ADD2: variants seen among roughly 807,000 people sequenced by gnomAD.
ADD2 encodes beta-adducin.
ADD2 carries 23 observed loss-of-function variants against 83.0 expected under a neutral mutation model. The ratio of observed to expected loss-of-function variants is 0.28; its 90% CI spans 0.20 to 0.39. The LOEUF is 0.39. ADD2 is among the 10% of genes least tolerant of loss of function. The probability of loss-of-function intolerance (pLI) is 1.00; values close to 1 mark genes in which losing one functional copy is unlikely to be tolerated. For synonymous variants in ADD2, 375 were observed against 375.4 expected (o/e 1.00, Z 0.01); for missense variants, 758 against 944.9 (o/e 0.80, Z 2.59).
At chr2:70,672,758 T>C (rs1669952428) in intron 15 of ADD2, 120 bp downstream of exon 15, 2 of 1,195,088 alleles carry the variant, frequency 1.7e-6, no homozygotes, top group Admixed American at 2.9e-5. Context: ...TCTGATTTCC[T>C]AGAAATAGCA....
In ADD2 at chr2:70,659,439, C is replaced by T. The variant is rs1232937410; in HGVS notation, c.*3986G>A. The T allele has an allele frequency of 6.6e-6, 1 of 152,162 alleles. No individual in the cohort carries two copies. The highest frequency in any genetic ancestry group is 1.5e-5 in the Non-Finnish European group (1 of 68,038). The allele number at this position is 152,162 out of a possible 1,614,324, so 9.4% of individuals were successfully genotyped here. ...ACCATGAGCAAGTGACGGTATCATC[C>T]ACAGGGAATGGGATTCAAATTCAGT... On this transcript the variant is annotated 3_prime_UTR_variant, in exon 16 of 16. Coordinates refer to ENST00000264436, the MANE Select transcript of ADD2 (RefSeq NM_001617.4).
Position 70,695,920 on chromosome 2 carries a change from C to A in ADD2, c.475-119G>T. The stretch of plus-strand genomic sequence containing the variant: ...GCACCCAAGTCCATCTCTAATGAAC[C>A]CTTATCTCTCCCCCCCAGCCATAAG... On this transcript the variant is annotated intron_variant, in intron 5 of 15. Transcript: ENST00000264436. The A allele has an allele frequency of 6.1e-6, 5 of 817,032 alleles. No individual in the cohort carries two copies. The Admixed American group carries it at 1.1e-4, about 18-fold the overall frequency. The allele number at this position is 817,032 out of a possible 1,614,324, so 50.6% of individuals were successfully genotyped here. A position where few individuals can be genotyped will look rare whatever the true frequency, so the allele number is the denominator to read the frequency against.
At chr2:70,748,385 T>C (rs1296314071) in intron 1 of ADD2, among the ~76,000 whole-genome samples, 1 of 152,178 alleles carries the variant, frequency 6.6e-6, no homozygotes, top group African/African-American at 2.4e-5. Context: ...AGCTGAGTTA[T>C]GCTGCAGTAA....
intron 6 of ADD2, among the ~76,000 whole-genome samples, chr2:70,694,828 C>G (rs1180066468): frequency 7.2e-5 from 11 of 152,058 alleles, no homozygotes; most frequent in African/African-American, 2.7e-4. Context: ...ACTCGGTAAC[C>G]CTGAGCTTTC....
intron 1 of ADD2, among the ~76,000 whole-genome samples, chr2:70,718,229 G>C (rs1179767869): frequency 1.3e-5 from 2 of 152,192 alleles, no homozygotes; most frequent in Admixed American, 6.5e-5. Flanking sequence ...CTTTCTTACA[G>C]ACTTGGAATC....
chr2:70,712,650 T>C (rs1460740099), intron 2 of ADD2, among the ~76,000 whole-genome samples: 1 of 152,086 alleles, frequency 6.6e-6, no homozygotes, highest in Non-Finnish European at 1.5e-5. Context: ...GCTGGTTCTC[T>C]AGAACCTCAG....
At chr2:70,754,856 T>G (rs1674690943) in intron 1 of ADD2, among the ~76,000 whole-genome samples, 1 of 152,114 alleles carries the variant, frequency 6.6e-6, no homozygotes, top group African/African-American at 2.4e-5. Context: ...CTCCTAGCAA[T>G]TCTCCAACAT....
At chr2:70,765,302 G>A (rs960124696) in intron 1 of ADD2, among the ~76,000 whole-genome samples, 9 of 151,990 alleles carry the variant, frequency 5.9e-5, no homozygotes, top group South Asian at 2.1e-4. Flanking sequence ...GCAGTGAGCC[G>A]AGATCATGCC....
At chr2:70,667,644 G>A (rs1170162176) in intron 15 of ADD2, among the ~76,000 whole-genome samples, 2 of 152,144 alleles carry the variant, frequency 1.3e-5, no homozygotes, top group Non-Finnish European at 2.9e-5. Flanking sequence ...GTGGGGGGAT[G>A]GAATTTCGCT....
intron 1 of ADD2, among the ~76,000 whole-genome samples, chr2:70,716,395 A>T (rs11126289): frequency 6.6e-6 from 1 of 151,810 alleles, no homozygotes; most frequent in South Asian, 2.1e-4. Context: ...GGAGTCTGCC[A>T]GGAACACCCT....
intron 1 of ADD2, among the ~76,000 whole-genome samples, chr2:70,751,760 A>G (rs1674515904): frequency 6.6e-6 from 1 of 152,182 alleles, no homozygotes; most frequent in Admixed American, 6.5e-5. Context: ...TATCCAGAGC[A>G]CCAATCATTT....
chr2:70,682,387 G>C (rs1425683272), intron 10 of ADD2, among the ~76,000 whole-genome samples: 1 of 152,132 alleles, frequency 6.6e-6, no homozygotes, highest in Non-Finnish European at 1.5e-5. Flanking sequence ...AATGTTAATG[G>C]GAGTTGCATT....
intron 6 of ADD2, among the ~76,000 whole-genome samples, chr2:70,694,265 A>T (rs1671196665): frequency 6.6e-6 from 1 of 152,164 alleles, no homozygotes. Context: ...AATCCAACTG[A>T]TCAGCAGGCC....
At chr2:70,707,127 A>G (rs1671947099) in intron 2 of ADD2, among the ~76,000 whole-genome samples, 1 of 152,380 alleles carries the variant, frequency 6.6e-6, no homozygotes, top group Admixed American at 6.5e-5. Flanking sequence ...GCTTTTCTTT[A>G]CAACTTAAAC....
intron 1 of ADD2, among the ~76,000 whole-genome samples, chr2:70,738,499 G>C (rs1673705257): frequency 1.3e-5 from 2 of 152,170 alleles, no homozygotes; most frequent in Non-Finnish European, 2.9e-5. Context: ...CTCACTGCCT[G>C]CCTGCCTCCT....
intron 1 of ADD2, among the ~76,000 whole-genome samples, chr2:70,731,424 T>C (rs1424548770): frequency 2.6e-5 from 4 of 152,122 alleles, no homozygotes; most frequent in Admixed American, 6.5e-5. Context: ...AGGAGAAAGT[T>C]CATTGGGGGA....
At chr2:70,678,110 C>T (rs543472154) in intron 11 of ADD2, among the ~76,000 whole-genome samples, 5 of 152,352 alleles carry the variant, frequency 3.3e-5, no homozygotes, top group Admixed American at 1.3e-4. Context: ...CTATAAAGAA[C>T]ATCCAAGAGT....
Position 70,706,403 on chromosome 2 carries a change from G to A in ADD2, c.6C>T (p.Ser2=), listed in dbSNP as rs1186195995. The stretch of plus-strand genomic sequence containing the variant: ...AGGCAGCCTCGGGGACCGTCTCTTC[G>A]CTCATTTTCCCGGTGGGTTTGCAAT... M[S]EETVPEAASP... The change falls in exon 3 of 16, where the codon AGC becomes AGT. Residue 2 remains serine, a synonymous_variant. Coordinates refer to ENST00000264436, the MANE Select transcript of ADD2 (RefSeq NM_001617.4). The surrounding 1 kb of genome is among the most constrained non-coding windows in gnomAD (Gnocchi z 5.0). The A allele has an allele frequency of 1.9e-6, 3 of 1,604,794 alleles. No homozygotes were observed. Among genetic ancestry groups the A allele is most frequent in the Non-Finnish European group, 2.6e-6 (3 of 1,176,160 alleles).
At chr2:70,668,714 G>T (rs1669781663) in intron 15 of ADD2, among the ~76,000 whole-genome samples, 1 of 152,180 alleles carries the variant, frequency 6.6e-6, no homozygotes, top group South Asian at 2.1e-4. Context: ...AAGACATGGA[G>T]AAGGAATATG....
Sources: allele counts gnomAD v4.1 joint callset (sites outside exome capture counted in the v4.1 genomes callset), GRCh38; gene constraint gnomAD v4.1.1; non-coding constraint Gnocchi (gnomAD v3.1); transcripts MANE v1.5; gene names NCBI Gene and HGNC (gene_info 2026-07-23, HGNC 2026-07-21).